Variants in DTNB observed in about 807,000 individuals in gnomAD.
The protein encoded by DTNB is dystrobrevin beta.
DTNB carries 63 observed loss-of-function variants against 90.7 expected under a neutral mutation model. The ratio of observed to expected loss-of-function variants is 0.69; its 90% CI spans 0.57 to 0.86. The LOEUF (loss-of-function observed/expected upper bound fraction) is 0.86, where lower values mean the gene tolerates loss of function less well. DTNB is among the 40% of genes least tolerant of loss of function. The probability of loss-of-function intolerance (pLI) is 0.00; values close to 1 mark genes in which losing one functional copy is unlikely to be tolerated. For synonymous variants in DTNB, 277 were observed against 286.7 expected (o/e 0.97, Z 0.34); for missense variants, 744 against 807.1 (o/e 0.92, Z 0.95).
intron 8 of DTNB, among the ~76,000 whole-genome samples, chr2:25,536,110 G>A (rs945855590): frequency 6.7e-5 from 10 of 150,286 alleles, no homozygotes; most frequent in South Asian, 2.1e-4. Context: ...CAGACGGGGC[G>A]GCCGGGCAGA....
At chr2:25,518,203 T>G (rs7568713) in intron 9 of DTNB, among the ~76,000 whole-genome samples, 1 of 118,180 alleles carries the variant, frequency 8.5e-6, no homozygotes, top group Admixed American at 8.1e-5. Context: ...TTTATATTAT[T>G]TTTTTATCCA....
chr2:25,666,858 G>C (rs183431104), intron 1 of DTNB, among the ~76,000 whole-genome samples: 14 of 152,244 alleles, frequency 9.2e-5, no homozygotes, highest in Non-Finnish European at 1.8e-4. Flanking sequence ...ACTGCTCAAG[G>C]CCAGCAATGA....
At chr2:25,470,860 A>T (rs2062668116) in intron 10 of DTNB, among the ~76,000 whole-genome samples, 1 of 152,128 alleles carries the variant, frequency 6.6e-6, no homozygotes, top group African/African-American at 2.4e-5. Context: ...AATAATTCTC[A>T]GCAAATTAAG....
intron 8 of DTNB, among the ~76,000 whole-genome samples, chr2:25,559,245 C>A (rs774278395): frequency 6.6e-6 from 1 of 152,168 alleles, no homozygotes; most frequent in Admixed American, 6.6e-5. Context: ...AGTCCAGCAT[C>A]GGCAAAATCC....
rs76766313 is a variant in DTNB at position 25,498,102 on chromosome 2, C to G, written c.1002-15229G>C. ...CCTCCTCATTGTCACCACTTCTCCC[C>G]CTTCCTACACTGTTCAAACACAGGT... is the stretch of plus-strand genomic sequence containing the variant. On this transcript the variant is annotated intron_variant, in intron 9 of 20. Transcript: ENST00000406818. Among the ~76,000 whole-genome samples, 590 of 152,286 alleles carry G rather than the reference C, an allele frequency of 3.9e-3. 3 individuals carry two copies. Among genetic ancestry groups the G allele is most frequent in the African/African-American group, 0.013 (558 of 41,556 alleles).
intron 1 of DTNB, among the ~76,000 whole-genome samples, chr2:25,667,925 A>G (rs984505820): frequency 1.3e-5 from 2 of 152,194 alleles, no homozygotes; most frequent in Admixed American, 1.3e-4. Flanking sequence ...ATAAAAAGGA[A>G]TATTATCATT....
intron 19 of DTNB, among the ~76,000 whole-genome samples, chr2:25,380,771 C>T (rs932238707): frequency 4.2e-5 from 6 of 143,672 alleles, no homozygotes; most frequent in Admixed American, 6.7e-5. Context: ...CCTGGAGGCC[C>T]GGGCGAGGGA....
chr2:25,589,363 T>TTTTC (rs1424895862), intron 6 of DTNB, among the ~76,000 whole-genome samples: 2 of 121,322 alleles, frequency 1.6e-5, no homozygotes, highest in Non-Finnish European at 1.7e-5. Flanking sequence ...TTTCTTTTTC[T>TTTTC]TTTCTTTTTT....
At chr2:25,439,779 G>A (rs1445125418) in intron 12 of DTNB, among the ~76,000 whole-genome samples, 18 of 152,044 alleles carry the variant, frequency 1.2e-4, no homozygotes, top group Admixed American at 1.2e-3. Context: ...AAAGTGATGT[G>A]GAGAGGATTT....
At chr2:25,577,559 A>C (rs1002594612) in intron 7 of DTNB, among the ~76,000 whole-genome samples, 2 of 152,160 alleles carry the variant, frequency 1.3e-5, no homozygotes, top group African/African-American at 4.8e-5. Context: ...TTCAACACAG[A>C]CTAATGATTC....
In DTNB at chr2:25,387,065, C is replaced by A. The variant is rs556356677; in HGVS notation, c.1825+224G>T. On this transcript the variant is annotated intron_variant, in intron 18 of 20. Coordinates refer to ENST00000406818, the MANE Select transcript of DTNB (RefSeq NM_021907.5). The surrounding 1 kb of genome is among the most constrained non-coding windows in gnomAD (Gnocchi z 4.5). ...TACATTCAGCTTGCTCCACAAGATG[C>A]ACTCCTGAGATAGGCCTGAATGTGA... The A allele has an allele frequency of 1.1e-3, 554 of 503,480 alleles. 1 individual carries two copies. Among genetic ancestry groups the A allele is most frequent in the Non-Finnish European group, 1.7e-3 (476 of 276,734 alleles). The allele number at this position is 503,480 out of a possible 1,614,324, so 31.2% of individuals were successfully genotyped here. A position where few individuals can be genotyped will look rare whatever the true frequency, so the allele number is the denominator to read the frequency against.
intron 9 of DTNB, among the ~76,000 whole-genome samples, chr2:25,485,704 A>G (rs1336551258): frequency 6.6e-6 from 1 of 152,198 alleles, no homozygotes; most frequent in East Asian, 1.9e-4. Context: ...GGAGGTCTTT[A>G]CTACAGAACC....
chr2:25,509,090 T>G (rs1446584632), intron 9 of DTNB, among the ~76,000 whole-genome samples: 1 of 152,218 alleles, frequency 6.6e-6, no homozygotes, highest in Non-Finnish European at 1.5e-5. Flanking sequence ...ATGTACACAA[T>G]CACGTCATCT....
At chr2:25,384,528 A>G (rs2038913800) in intron 18 of DTNB, among the ~76,000 whole-genome samples, 1 of 152,172 alleles carries the variant, frequency 6.6e-6, no homozygotes, top group Non-Finnish European at 1.5e-5. Flanking sequence ...AAATGGCCAC[A>G]TCCTGGTATG....
At chr2:25,518,243 T>C (rs1239673603) in intron 9 of DTNB, among the ~76,000 whole-genome samples, 1 of 152,130 alleles carries the variant, frequency 6.6e-6, no homozygotes, top group African/African-American at 2.4e-5. Context: ...TAAGGGATGA[T>C]GATTTGTGAA....
chr2:25,423,763 G>A (rs565366310), intron 15 of DTNB, among the ~76,000 whole-genome samples: 6 of 151,626 alleles, frequency 4.0e-5, no homozygotes, highest in South Asian at 2.1e-4. Flanking sequence ...GGGTTCAAGC[G>A]ATTCTCCTGT....
At chr2:25,509,801 G>C (rs927818556) in intron 9 of DTNB, among the ~76,000 whole-genome samples, 1 of 140,212 alleles carries the variant, frequency 7.1e-6, no homozygotes, top group African/African-American at 2.7e-5. Flanking sequence ...CTAGGCTGGA[G>C]TGCAGTGGTG....
intron 18 of DTNB, among the ~76,000 whole-genome samples, chr2:25,386,810 C>T (rs945191977): frequency 6.6e-6 from 1 of 152,078 alleles, no homozygotes; most frequent in Admixed American, 6.5e-5. Flanking sequence ...AGCCTGGTCA[C>T]GGACAAAAGG....
intron 8 of DTNB, among the ~76,000 whole-genome samples, chr2:25,532,525 GAAT>G (rs1179462951): frequency 6.6e-6 from 1 of 152,142 alleles, no homozygotes; most frequent in Non-Finnish European, 1.5e-5. Flanking sequence ...CTGGAAGGTA[GAAT>G]AATATCCACC....
Sources: gnomAD v4.1 joint callset for allele counts (sites outside exome capture counted in the v4.1 genomes callset) on GRCh38, gnomAD v4.1.1 for gene constraint, Gnocchi (gnomAD v3.1) non-coding constraint, MANE v1.5 for transcripts, NCBI Gene and HGNC (gene_info 2026-07-23, HGNC 2026-07-21) for gene names.